Variants in STAB2 observed in about 807,000 individuals in gnomAD.
STAB2 encodes the protein stabilin 2.
A neutral mutation model predicts 338.1 loss-of-function variants in STAB2; 288 were observed. The observed-to-expected ratio is 0.85, with a 90% CI of 0.77 to 0.94. The LOEUF is 0.94. Among genes scored for constraint, STAB2 ranks in the 40% least tolerant of loss-of-function variants. The pLI is 0.00. For synonymous variants in STAB2, 1,202 were observed against 1,193.3 expected (o/e 1.01, Z -0.15); for missense variants, 3,141 against 3,210.1 (o/e 0.98, Z 0.52).
intron 50 of STAB2, 144 bp from the exon 51 acceptor site, chr12:103,732,862 T>C: frequency 2.3e-6 from 2 of 876,026 alleles, no homozygotes; most frequent in Non-Finnish European, 3.4e-6. Flanking sequence ...GCTTCTAGTT[T>C]CTCTAGCTGC....
chr12:103,765,619 A>C (rs1884888754), intron 68 of STAB2, among the ~76,000 whole-genome samples: 1 of 152,192 alleles, frequency 6.6e-6, no homozygotes, highest in Admixed American at 6.5e-5. Flanking sequence ...GCTGGAGTGC[A>C]GCGGCACCAT....
At position 103,650,466 on chromosome 12, in the gene STAB2, T is replaced by A. The variant is rs762330546; in HGVS notation, c.1175-30T>A. On this transcript the variant is annotated intron_variant, in intron 10 of 68. Transcript: ENST00000388887. ...CTGTACCACTGACTCATTTGGCGTT[T>A]TCTTTCTTTGTGTTATTTCGACTCC... is the stretch of plus-strand genomic sequence containing the variant. 13 of 1,607,474 alleles carry A rather than the reference T, an allele frequency of 8.1e-6. No homozygotes were observed. The South Asian group carries it at 1.3e-4, about 16-fold the overall frequency.
intron 12 of STAB2, among the ~76,000 whole-genome samples, chr12:103,654,241 T>C (rs974141625): frequency 3.9e-5 from 6 of 152,358 alleles, no homozygotes; most frequent in African/African-American, 1.4e-4. Flanking sequence ...GAGTGATGAA[T>C]TTATAGTAAA....
Position 103,662,921 on chromosome 12 carries a change from A to G in STAB2, c.1945A>G (p.Thr649Ala), listed in dbSNP as rs1333192552. The G allele has an allele frequency of 6.2e-7, 1 of 1,614,098 alleles. No homozygotes were observed. The highest frequency in any genetic ancestry group is 8.5e-7 in the Non-Finnish European group (1 of 1,180,044). The change falls in exon 18 of 69, where the codon ACA (threonine) becomes GCA (alanine). Residue 649 changes from threonine (T) to alanine (A), a missense_variant. Physicochemically the swap from Thr to Ala is moderately conservative, Grantham distance 58. Coordinates refer to ENST00000388887, the MANE Select transcript of STAB2 (RefSeq NM_017564.10). The part of the protein sequence containing the change: ...TAKNGRIYTL[T>A]GVLIPPSIVP... ...CAAAAATGGCCGAATTTACACACTG[A>G]CAGGAGTTCTCATTCCTCCCTCCAT...
intron 56 of STAB2, among the ~76,000 whole-genome samples, chr12:103,743,771 G>T (rs754302642): frequency 1.3e-5 from 2 of 152,200 alleles, no homozygotes; most frequent in Non-Finnish European, 2.9e-5. Flanking sequence ...AAGTGCAAAG[G>T]CCCTGGGACA....
intron 41 of STAB2, 26 bp from the exon 42 acceptor site, chr12:103,713,617 C>G (rs1348602887): frequency 1.2e-6 from 2 of 1,612,612 alleles, no homozygotes; most frequent in Non-Finnish European, 8.5e-7. Flanking sequence ...TCCCTCTCCC[C>G]TTCTGCTCTG....
At position 103,684,964 on chromosome 12, in the gene STAB2, A is replaced by G. The variant is rs1877262282; in HGVS notation, c.2902-25A>G. On this transcript the variant is annotated intron_variant, in intron 26 of 68. Coordinates refer to ENST00000388887, the MANE Select transcript of STAB2 (RefSeq NM_017564.10). ...GTCTAACGTTTTTGTTGGGGTAACC[A>G]TTTCTTTCATCTTGGTTTTCTCAGG... The G allele has an allele frequency of 2.5e-6, 4 of 1,611,442 alleles. No homozygotes were observed. The South Asian group carries it at 3.3e-5, about 13-fold the overall frequency.
At chr12:103,699,826 C>A (rs1878708117) in intron 34 of STAB2, among the ~76,000 whole-genome samples, 1 of 152,214 alleles carries the variant, frequency 6.6e-6, no homozygotes, top group Non-Finnish European at 1.5e-5. Flanking sequence ...TGTAGCCTTA[C>A]AAATTGTGGC....
chr12:103,667,820 C>T (rs1351522136), intron 19 of STAB2, among the ~76,000 whole-genome samples: 1 of 152,170 alleles, frequency 6.6e-6, no homozygotes. Context: ...AAATTTGAAC[C>T]AGAGACTAAA....
intron 3 of STAB2, among the ~76,000 whole-genome samples, chr12:103,618,872 G>A (rs1358587210): frequency 6.6e-6 from 1 of 152,150 alleles, no homozygotes; most frequent in Non-Finnish European, 1.5e-5. Context: ...CGTGTCATGG[G>A]AGGGACCCAG....
intron 44 of STAB2, among the ~76,000 whole-genome samples, chr12:103,724,650 G>A (rs1881037973): frequency 1.3e-5 from 2 of 152,094 alleles, no homozygotes; most frequent in South Asian, 4.2e-4. Flanking sequence ...CTTAAAGCTG[G>A]GAAGTATCAA....
intron 3 of STAB2, among the ~76,000 whole-genome samples, chr12:103,600,733 C>T (rs529063988): frequency 6.6e-6 from 1 of 152,328 alleles, no homozygotes; most frequent in South Asian, 2.1e-4. Context: ...GAAAACCTCA[C>T]ATCCATTGCA....
intron 51 of STAB2, 51 bp from the exon 52 acceptor site, chr12:103,735,437 GTCC>G: frequency 2.2e-6 from 3 of 1,395,270 alleles, no homozygotes; most frequent in Non-Finnish European, 2.9e-6. Context: ...CCTTCGGGCC[GTCC>G]CTTCTTCGGC....
intron 3 of STAB2, among the ~76,000 whole-genome samples, chr12:103,619,648 C>T (rs118053295): frequency 2.0e-3 from 300 of 152,176 alleles, no homozygotes; most frequent in Non-Finnish European, 3.7e-3. Flanking sequence ...AATTTATGCA[C>T]ATTAGGAATC....
At chr12:103,644,407 G>T (rs1329354863) in intron 9 of STAB2, among the ~76,000 whole-genome samples, 1 of 149,720 alleles carries the variant, frequency 6.7e-6, no homozygotes, top group Admixed American at 6.6e-5. Context: ...AAGGCCGCAG[G>T]GTCCTCTGCA....
chr12:103,595,865 G>C (rs928241373), intron 3 of STAB2, among the ~76,000 whole-genome samples: 2 of 152,152 alleles, frequency 1.3e-5, no homozygotes, highest in Non-Finnish European at 2.9e-5. Context: ...AAAAAGCAGG[G>C]CCTCAAAATG....
chr12:103,701,371 T>G (rs1279210781), intron 34 of STAB2, among the ~76,000 whole-genome samples: 1 of 152,194 alleles, frequency 6.6e-6, no homozygotes, highest in Non-Finnish European at 1.5e-5. Flanking sequence ...ATATACCCAG[T>G]AATGGGATGG....
chr12:103,587,631 G>A lies in STAB2; in HGVS notation c.81+74G>A. The A allele has an allele frequency of 1.1e-5, 14 of 1,218,986 alleles. 1 individual carries two copies. The highest frequency in any genetic ancestry group is 3.9e-5 in the South Asian group (3 of 76,542). 75.5% of individuals were successfully genotyped at this position (1,218,986 alleles called of 1,614,324 possible). On this transcript the variant is annotated intron_variant, in intron 1 of 68. Transcript: ENST00000388887. Reference sequence around the variant, plus strand: ...GTTCAAAAGCTTGTCGTTTTCCTCTGTTGTTATGGGTAAAGGGTGAAATCT... The same window carrying A: ...GTTCAAAAGCTTGTCGTTTTCCTCTATTGTTATGGGTAAAGGGTGAAATCT...
At chr12:103,601,988 G>C (rs1425302872) in intron 3 of STAB2, among the ~76,000 whole-genome samples, 1 of 152,090 alleles carries the variant, frequency 6.6e-6, no homozygotes, top group Non-Finnish European at 1.5e-5. Context: ...ATCATGATTT[G>C]CATACAGTAA....
Sources: allele counts gnomAD v4.1 joint callset (sites outside exome capture counted in the v4.1 genomes callset), GRCh38; gene constraint gnomAD v4.1.1; transcripts MANE v1.5; gene names NCBI Gene and HGNC (gene_info 2026-07-23, HGNC 2026-07-21).